The following CHCHD6 variants were observed in gnomAD, a reference collection of about 807,000 sequenced individuals.
The protein encoded by CHCHD6 is MICOS complex subunit MIC25.
CHCHD6 carries 28 observed loss-of-function variants against 32.3 expected under a neutral mutation model. The ratio of observed to expected loss-of-function variants is 0.87; its 90% CI spans 0.64 to 1.19. CHCHD6 has a LOEUF of 1.19. CHCHD6 is among the 50% of genes most tolerant of loss of function. The pLI is 0.00. For missense variants in CHCHD6, 333 were observed against 307.0 expected (o/e 1.08, Z -0.63); for synonymous variants, 122 against 117.5 (o/e 1.04, Z -0.25).
chr3:126,827,012 G>A (rs749792999), intron 4 of CHCHD6, among the ~76,000 whole-genome samples: 26 of 152,180 alleles, frequency 1.7e-4, no homozygotes, highest in Non-Finnish European at 3.5e-4. Context: ...GTTTGTGGGG[G>A]GCCACAGGGA....
intron 4 of CHCHD6, among the ~76,000 whole-genome samples, chr3:126,796,555 T>C (rs182514231): frequency 6.6e-6 from 1 of 152,216 alleles, no homozygotes; most frequent in East Asian, 1.9e-4. Flanking sequence ...CTCTGAGAAT[T>C]GTCATCCTCG....
chr3:126,782,499 A>G (rs983570719), intron 4 of CHCHD6, among the ~76,000 whole-genome samples: 5 of 152,194 alleles, frequency 3.3e-5, no homozygotes, highest in Non-Finnish European at 5.9e-5. Context: ...AATTTCTTCA[A>G]TGAAAGCCTG....
chr3:126,919,893 C>A (rs1576603359), intron 6 of CHCHD6, among the ~76,000 whole-genome samples: 1 of 150,372 alleles, frequency 6.7e-6, no homozygotes, highest in South Asian at 2.1e-4. Context: ...TTATTTTATT[C>A]TTTTTGGATT....
chr3:126,736,878 A>T (rs1193323422), intron 4 of CHCHD6, among the ~76,000 whole-genome samples: 6 of 152,132 alleles, frequency 3.9e-5, no homozygotes, highest in Admixed American at 2.0e-4. Context: ...CAGTCTTCTG[A>T]TGGGTGGAGT....
At chr3:126,890,096 T>C (rs1266818132) in intron 5 of CHCHD6, among the ~76,000 whole-genome samples, 1 of 152,224 alleles carries the variant, frequency 6.6e-6, no homozygotes, top group African/African-American at 2.4e-5. Context: ...CCCAAGGTGC[T>C]CCAGCTCACT....
intron 4 of CHCHD6, among the ~76,000 whole-genome samples, chr3:126,843,792 T>A (rs1333512501): frequency 6.6e-6 from 1 of 152,196 alleles, no homozygotes; most frequent in Non-Finnish European, 1.5e-5. Flanking sequence ...CCTGAGGTAG[T>A]ATTCACTTTT....
chr3:126,958,716 C>A (rs77365117), intron 7 of CHCHD6, among the ~76,000 whole-genome samples: 1 of 152,352 alleles, frequency 6.6e-6, no homozygotes, highest in East Asian at 1.9e-4. Flanking sequence ...CTCTGTCAGC[C>A]TTCCAAGAGA....
At position 126,730,570 on chromosome 3, in the gene CHCHD6, T is replaced by A; in HGVS notation, c.206T>A (p.Leu69Gln). The A allele has an allele frequency of 1.9e-6, 3 of 1,613,720 alleles. No individual in the cohort carries two copies. Among genetic ancestry groups the A allele is most frequent in the Non-Finnish European group, 2.5e-6 (3 of 1,179,806 alleles). ...NLRAPHKEST[L>Q]PRSGSSGGQQ... ...TCTCTTTCCTTTGCAGAATCCACAC[T>A]GCCCAGGTCGGGGAGCAGTGGTGGC... The change falls in exon 3 of 8, where the codon CTG (leucine) becomes CAG (glutamine). Residue 69 changes from leucine (L) to glutamine (Q), a missense_variant. By Grantham distance (113) the Leu-to-Gln change is moderately radical (BLOSUM62 -2). Coordinates refer to ENST00000290913, the MANE Select transcript of CHCHD6 (RefSeq NM_032343.3).
chr3:126,943,574 T>C (rs1444989276), intron 6 of CHCHD6, among the ~76,000 whole-genome samples: 1 of 152,174 alleles, frequency 6.6e-6, no homozygotes, highest in African/African-American at 2.4e-5. Context: ...TAAAAACACA[T>C]GGTCTGCAGT....
At chr3:126,887,531 C>T (rs2077695198) in intron 5 of CHCHD6, among the ~76,000 whole-genome samples, 1 of 152,148 alleles carries the variant, frequency 6.6e-6, no homozygotes, top group South Asian at 2.1e-4. Flanking sequence ...CTCCCCCTAG[C>T]CCTGTATTAT....
In CHCHD6 at chr3:126,730,559, A is replaced by G. The variant is rs776911177; in HGVS notation, c.197-2A>G. 1.9e-6 allele frequency: 3 copies of G among 1,613,292 alleles called. No individual in the cohort carries two copies. In the South Asian group the frequency reaches 3.3e-5, roughly 18 times the overall value. ...AGGCCCTTTCTTCTCTTTCCTTTGC[A>G]GAATCCACACTGCCCAGGTCGGGGA... On this transcript the variant is annotated splice_acceptor_variant, in intron 2 of 7. Transcript: ENST00000290913. LOFTEE classifies it high-confidence loss of function.
intron 4 of CHCHD6, among the ~76,000 whole-genome samples, chr3:126,801,565 C>T (rs928099476): frequency 6.6e-5 from 10 of 152,228 alleles, no homozygotes; most frequent in Non-Finnish European, 1.0e-4. Flanking sequence ...CAGGAACCTC[C>T]AGCTGGGTGG....
intron 4 of CHCHD6, among the ~76,000 whole-genome samples, chr3:126,792,014 C>T (rs373411213): frequency 2.6e-5 from 4 of 152,060 alleles, no homozygotes; most frequent in Non-Finnish European, 2.9e-5. Flanking sequence ...ATAACGTTTT[C>T]GGGGTTCGTC....
chr3:126,755,055 C>T (rs1321599887), intron 4 of CHCHD6, among the ~76,000 whole-genome samples: 2 of 152,094 alleles, frequency 1.3e-5, no homozygotes, highest in Admixed American at 1.3e-4. Flanking sequence ...GAACGATGGC[C>T]TGGAAAAGAG....
intron 4 of CHCHD6, among the ~76,000 whole-genome samples, chr3:126,832,675 C>A (rs908510029): frequency 1.3e-5 from 2 of 152,158 alleles, no homozygotes; most frequent in Non-Finnish European, 2.9e-5. Flanking sequence ...AGAATTGCTG[C>A]CATCTTCATG....
intron 4 of CHCHD6, among the ~76,000 whole-genome samples, chr3:126,750,697 A>G (rs1013559044): frequency 1.3e-5 from 2 of 152,248 alleles, no homozygotes; most frequent in African/African-American, 4.8e-5. Flanking sequence ...GCCTCCCTGT[A>G]AATGAGCAGA....
chr3:126,820,887 C>T (rs73201801), intron 4 of CHCHD6, among the ~76,000 whole-genome samples: 6 of 152,084 alleles, frequency 3.9e-5, no homozygotes, highest in African/African-American at 9.7e-5. Context: ...TTAGTATATT[C>T]GCAGAATTGT....
At chr3:126,896,591 T>C (rs1338345073) in intron 5 of CHCHD6, among the ~76,000 whole-genome samples, 1 of 152,244 alleles carries the variant, frequency 6.6e-6, no homozygotes, top group Non-Finnish European at 1.5e-5. Context: ...AACTGGCCAC[T>C]CACTTCTTGG....
Position 126,862,381 on chromosome 3 carries a change from ACCT to A in CHCHD6, c.495+9662_495+9664del, listed in dbSNP as rs1289528494. ...CACCACCTCCTCCACCACCATCACC[ACCT>A]CCTCCTCCTCTACCATCACCACCTC... On this transcript the variant is annotated intron_variant, in intron 5 of 7. Coordinates refer to ENST00000290913, the MANE Select transcript of CHCHD6 (RefSeq NM_032343.3). Among the ~76,000 whole-genome samples, 22 of 98,642 alleles carry A rather than the reference ACCT, an allele frequency of 2.2e-4. 1 individual carries two copies. Among genetic ancestry groups the A allele is most frequent in the African/African-American group, 7.3e-4 (18 of 24,642 alleles). The allele number at this position is 98,642 out of a possible 152,430, so 64.7% of individuals were successfully genotyped here. A position where few individuals can be genotyped will look rare whatever the true frequency, so the allele number is the denominator to read the frequency against.
Sources: gnomAD v4.1 joint callset for allele counts (sites outside exome capture counted in the v4.1 genomes callset) on GRCh38, gnomAD v4.1.1 for gene constraint, MANE v1.5 for transcripts, NCBI Gene and HGNC (gene_info 2026-07-23, HGNC 2026-07-21) for gene names.